The following SMG7 variants were observed in gnomAD, a reference collection of about 807,000 sequenced individuals.
SMG7 encodes the protein SMG7 nonsense mediated mRNA decay factor.
Under a neutral mutation model 148.2 loss-of-function variants are expected in SMG7, and 34 were observed. The observed-to-expected ratio is 0.23, with a 90% CI of 0.17 to 0.31. The LOEUF (loss-of-function observed/expected upper bound fraction) is 0.31. Ranked by LOEUF, SMG7 falls within the 10% of genes least tolerant of loss-of-function variation. The probability of loss-of-function intolerance (pLI) is 1.00; values close to 1 mark genes in which losing one functional copy is unlikely to be tolerated. For synonymous variants in SMG7, 492 were observed against 515.1 expected, an observed-to-expected ratio of 0.96 and a Z score of 0.61; for missense variants, 1,114 against 1,408.4, an observed-to-expected ratio of 0.79 and a Z score of 3.35.
At chr1:183,515,780 G>A (rs1240146091) in intron 2 of SMG7, 94 bp from the exon 3 acceptor site, 1 of 640,682 alleles carries the variant, frequency 1.6e-6, no homozygotes, top group Non-Finnish European at 2.7e-6. Context: ...TTTTGCCTTG[G>A]GGATAGAGCA....
chr1:183,531,922 A>G (rs1475589160), intron 8 of SMG7, among the ~76,000 whole-genome samples: 1 of 152,196 alleles, frequency 6.6e-6, no homozygotes, highest in African/African-American at 2.4e-5. Flanking sequence ...TCTAGAGAAG[A>G]GACAGGATTT....
At position 183,517,751 on chromosome 1, in the gene SMG7, T is replaced by C. The variant is rs1340599379; in HGVS notation, c.243T>C (p.Asn81=). Residue 81 remains asparagine, a synonymous_variant, in exon 4 of 23, where the codon AAT becomes AAC. Coordinates refer to ENST00000688051, the MANE Select transcript of SMG7 (RefSeq NM_001375584.1). ...TLQGQAKNRA[N]PNRSEVQANL... is the part of the protein sequence containing the mutation. ...AAGGCCAGGCAAAGAATCGAGCAAA[T>C]CCGAATCGGAGTGAAGTTCAGGCAA... 2 of 1,613,936 alleles carry C rather than the reference T, an allele frequency of 1.2e-6. No homozygotes were observed. The highest frequency in any genetic ancestry group is 2.7e-5 in the African/African-American group (2 of 74,914).
chr1:183,514,123 A>G (rs766350562), intron 2 of SMG7, among the ~76,000 whole-genome samples: 1 of 151,786 alleles, frequency 6.6e-6, no homozygotes, highest in Non-Finnish European at 1.5e-5. Flanking sequence ...GCCCTCCGTA[A>G]CAGCATATGC....
rs903090858 is a variant in SMG7 at position 183,552,130 on chromosome 1, C to T, written c.*199C>T. On this transcript the variant is annotated 3_prime_UTR_variant, in exon 23 of 23. Transcript: ENST00000688051. ...CAAAAAGAAAAATCCATCAGGAACT[C>T]TCCGTCCCCCCGGGGCCCTCCGGAG... 30 of 1,274,152 alleles carry T rather than the reference C, an allele frequency of 2.4e-5. No homozygotes were observed. The highest frequency in any genetic ancestry group is 3.0e-5 in the African/African-American group (2 of 65,732). The allele number at this position is 1,274,152 out of a possible 1,614,324, so 78.9% of individuals were successfully genotyped here. A position where few individuals can be genotyped will look rare whatever the true frequency, so the allele number is the denominator to read the frequency against.
chr1:183,553,448 G>C lies in SMG7; in HGVS notation c.*1517G>C. On this transcript the variant is annotated 3_prime_UTR_variant, in exon 23 of 23. Coordinates refer to ENST00000688051, the MANE Select transcript of SMG7 (RefSeq NM_001375584.1). ...TCTGCTGTCCCAGAGGGGAGGGGTT[G>C]TGTGTGCGAGTGTATGGAGTTAGTG... 2.2e-6 allele frequency: 1 copy of C among 464,838 alleles called. No homozygotes were observed. Among genetic ancestry groups the C allele is most frequent in the Non-Finnish European group, 3.9e-6 (1 of 253,358 alleles). The allele number at this position is 464,838 out of a possible 1,614,324, so 28.8% of individuals were successfully genotyped here.
Position 183,544,489 on chromosome 1 carries a change from G to C in SMG7, c.1979G>C (p.Ser660Thr), listed in dbSNP as rs1669528350. 5 of 1,613,420 alleles carry C rather than the reference G, an allele frequency of 3.1e-6. No individual in the cohort carries two copies. Among genetic ancestry groups the C allele is most frequent in the Non-Finnish European group, 4.2e-6 (5 of 1,179,618 alleles). The change falls in exon 15 of 23, where the codon AGC becomes ACC. Residue 660 changes from serine (S) to threonine (T), a missense_variant. Ser to Thr is a moderately conservative substitution (Grantham distance 58, BLOSUM62 1). Coordinates refer to ENST00000688051, the MANE Select transcript of SMG7 (RefSeq NM_001375584.1). ...CCTGGAGCCTTCCCTCCTCTTCCCA[G>C]CAGGCCAGGTAAATATGTTTTGTAA... Reference protein sequence around the residue: ...HHPGAFPPLPSRPGFPPPTYV... With the variant: ...HHPGAFPPLPTRPGFPPPTYV...
chr1:183,503,097 A>G (rs758903990), intron 1 of SMG7, among the ~76,000 whole-genome samples: 3 of 152,192 alleles, frequency 2.0e-5, no homozygotes, highest in Non-Finnish European at 2.9e-5. Context: ...GCCATTTCCT[A>G]GTTATGTGAC....
chr1:183,545,239 A>G lies in SMG7; in HGVS notation c.2297A>G (p.Gln766Arg). 1 of 1,614,002 alleles carries G rather than the reference A, an allele frequency of 6.2e-7. No homozygotes were observed. Among genetic ancestry groups the G allele is most frequent in the Non-Finnish European group, 8.5e-7 (1 of 1,180,008 alleles). ...CAGCTGCAGGTTCAAGCTCTAACTC[A>G]GCAACAACAATCCCCTACAAAAGCT... The part of the protein sequence containing the change: ...TSQLQVQALT[Q>R]QQQSPTKAVP... Residue 766 changes from glutamine (Q) to arginine (R), a missense_variant, in exon 16 of 23, where the codon CAG becomes CGG. Physicochemically the swap from Gln to Arg is conservative, Grantham distance 43. Coordinates refer to ENST00000688051, the MANE Select transcript of SMG7 (RefSeq NM_001375584.1).
chr1:183,504,656 AT>A (rs1240931286), intron 1 of SMG7, among the ~76,000 whole-genome samples: 1 of 151,942 alleles, frequency 6.6e-6, no homozygotes, highest in African/African-American at 2.4e-5. Context: ...TTTTGTATTA[AT>A]TTTTCAATTT....
chr1:183,495,871 GAAAA>G (rs778006636), intron 1 of SMG7, among the ~76,000 whole-genome samples: 1 of 135,530 alleles, frequency 7.4e-6, no homozygotes, highest in African/African-American at 2.7e-5. Flanking sequence ...TTTCTCAATG[GAAAA>G]AAAAAAAAGG....
chr1:183,552,442 C>A lies in SMG7; in HGVS notation c.*511C>A. On this transcript the variant is annotated 3_prime_UTR_variant, in exon 23 of 23. Transcript: ENST00000688051. ...AAATATCACACTGAATTCTTCCATA[C>A]ACAGGTGTGCTTCTAGTCAGTGTGT... is the stretch of plus-strand genomic sequence containing the variant. 1 of 992,300 alleles carries A rather than the reference C, an allele frequency of 1.0e-6. No individual in the cohort carries two copies. Among genetic ancestry groups the A allele is most frequent in the Middle Eastern group, 5.2e-4 (1 of 1,932 alleles). The allele number at this position is 992,300 out of a possible 1,614,324, so 61.5% of individuals were successfully genotyped here. A position where few individuals can be genotyped will look rare whatever the true frequency, so the allele number is the denominator to read the frequency against.
Position 183,513,521 on chromosome 1 carries a change from G to A in SMG7, c.61+653G>A, listed in dbSNP as rs566965663. Among the ~76,000 whole-genome samples the A allele has an allele frequency of 3.3e-5, 5 of 151,988 alleles. No individual in the cohort carries two copies. In the East Asian group the frequency reaches 5.8e-4, roughly 18 times the overall value. ...TGAGTAGGTGTGATTATAGGCACAC[G>A]CCATTACATCTGACTAATTTTTGTA... On this transcript the variant is annotated intron_variant, in intron 2 of 22. Transcript: ENST00000688051.
chr1:183,477,835 C>G (rs1653042189), intron 1 of SMG7, among the ~76,000 whole-genome samples: 1 of 151,954 alleles, frequency 6.6e-6, no homozygotes, highest in Non-Finnish European at 1.5e-5. Context: ...TGTATATATA[C>G]ATATATTTTT....
At chr1:183,477,790 A>G (rs1653008573) in intron 1 of SMG7, among the ~76,000 whole-genome samples, 2 of 152,014 alleles carry the variant, frequency 1.3e-5, no homozygotes, top group Admixed American at 1.3e-4. Context: ...GTGTGTATGT[A>G]TACATATATG....
chr1:183,526,861 A>C, intron 5 of SMG7, 94 bp downstream of exon 5: 2 of 970,026 alleles, frequency 2.1e-6, no homozygotes, highest in Non-Finnish European at 3.0e-6. Context: ...CGGAGCATAC[A>C]CACACAATTT....
intron 1 of SMG7, among the ~76,000 whole-genome samples, chr1:183,498,819 G>A (rs1659132209): frequency 1.3e-5 from 2 of 152,172 alleles, no homozygotes; most frequent in African/African-American, 4.8e-5. Flanking sequence ...CACTCTGTGG[G>A]TTTGGACCAG....
At chr1:183,522,570 A>G (rs1664983995) in intron 4 of SMG7, among the ~76,000 whole-genome samples, 1 of 152,168 alleles carries the variant, frequency 6.6e-6, no homozygotes, top group Non-Finnish European at 1.5e-5. Flanking sequence ...AGATAAGTTT[A>G]TAACAGATGA....
Position 183,526,315 on chromosome 1 carries a change from A to AT in SMG7, c.313-271dup, listed in dbSNP as rs897644281. The stretch of plus-strand genomic sequence containing the variant: ...AGGTGCTCACCACCACTCCCGGCTG[A>AT]TTTTTTTTTTGTATTTTTAGTAGAG... On this transcript the variant is annotated intron_variant, in intron 4 of 22. Coordinates refer to ENST00000688051, the MANE Select transcript of SMG7 (RefSeq NM_001375584.1). 3.6e-3 allele frequency among the ~76,000 whole-genome samples: 529 copies of AT among 147,274 alleles called. 2 individuals carry two copies. The highest frequency in any genetic ancestry group is 6.9e-3 in the African/African-American group (278 of 40,248).
At chr1:183,544,199 G>T (rs546106057) in intron 14 of SMG7, among the ~76,000 whole-genome samples, 154 bp from the exon 15 acceptor site, 1 of 152,160 alleles carries the variant, frequency 6.6e-6, no homozygotes, top group East Asian at 1.9e-4. Context: ...AATTTGCTTT[G>T]ATTTTCCATT....
Sources: allele counts gnomAD v4.1 joint callset (sites outside exome capture counted in the v4.1 genomes callset), GRCh38; gene constraint gnomAD v4.1.1; transcripts MANE v1.5; gene names NCBI Gene and HGNC (gene_info 2026-07-23, HGNC 2026-07-21).